The following RASA1 variants were observed in gnomAD, a reference collection of about 807,000 sequenced individuals.
The protein encoded by RASA1 is RAS p21 protein activator 1, also known as ras GTPase-activating protein 1.
In RASA1, 25 loss-of-function variants were observed where a neutral mutation model predicts 132.2. The ratio of observed to expected loss-of-function variants is 0.19; its 90% CI spans 0.14 to 0.26. The LOEUF (loss-of-function observed/expected upper bound fraction) is 0.26. Among genes scored for constraint, RASA1 ranks in the 10% least tolerant of loss-of-function variants. The probability of loss-of-function intolerance (pLI) is 1.00; values close to 1 mark genes in which losing one functional copy is unlikely to be tolerated. For synonymous variants in RASA1, 477 were observed against 449.9 expected (o/e 1.06, Z -0.76); for missense variants, 964 against 1,299.2 (o/e 0.74, Z 3.97).
intron 1 of RASA1, among the ~76,000 whole-genome samples, chr5:87,270,349 T>TC (rs1035826216): frequency 2.0e-5 from 3 of 151,082 alleles, no homozygotes; most frequent in African/African-American, 4.9e-5. Flanking sequence ...TTTTTTTTTT[T>TC]CCTTCCCCCC....
chr5:87,290,443 C>T (rs1754866517), intron 1 of RASA1, among the ~76,000 whole-genome samples: 1 of 152,150 alleles, frequency 6.6e-6, no homozygotes, highest in Non-Finnish European at 1.5e-5. Context: ...TGTTGACATC[C>T]AGCACACTGG....
At chr5:87,349,638 T>C (rs1446073675) in intron 8 of RASA1, among the ~76,000 whole-genome samples, 2 of 151,908 alleles carry the variant, frequency 1.3e-5, no homozygotes, top group Non-Finnish European at 2.9e-5. Flanking sequence ...ACTAAATCCA[T>C]GTGTTATCTG....
At chr5:87,389,089 A>C (rs1158779579) in intron 23 of RASA1, among the ~76,000 whole-genome samples, 1 of 152,192 alleles carries the variant, frequency 6.6e-6, no homozygotes, top group East Asian at 1.9e-4. Context: ...GAATTTTAAG[A>C]GAAATTTGAG....
chr5:87,373,773 A>G (rs1054441178), intron 13 of RASA1, among the ~76,000 whole-genome samples: 5 of 152,186 alleles, frequency 3.3e-5, no homozygotes, highest in African/African-American at 1.2e-4. Flanking sequence ...CCAGATAAGT[A>G]TTATATAACA....
intron 1 of RASA1, chr5:87,331,033 A>G: frequency 7.6e-7 from 1 of 1,312,678 alleles, no homozygotes; most frequent in Non-Finnish European, 1.0e-6. Flanking sequence ...TTCTAAGTAA[A>G]GATCTGGTTG....
intron 7 of RASA1, among the ~76,000 whole-genome samples, chr5:87,348,981 T>G (rs933196934): frequency 6.6e-6 from 1 of 151,916 alleles, no homozygotes; most frequent in African/African-American, 2.4e-5. Context: ...CTGCTCTCTA[T>G]TTTTATGTAT....
At chr5:87,342,424 G>A (rs1037536981) in intron 6 of RASA1, among the ~76,000 whole-genome samples, 2 of 152,138 alleles carry the variant, frequency 1.3e-5, no homozygotes, top group Non-Finnish European at 2.9e-5. Context: ...CTCCCAAAGT[G>A]CTGGAATTAC....
At chr5:87,330,983 G>C in intron 1 of RASA1, 1 of 1,429,900 alleles carries the variant, frequency 7.0e-7, no homozygotes. Context: ...ATAAGATCGA[G>C]GTAGTAAATT....
intron 19 of RASA1, among the ~76,000 whole-genome samples, chr5:87,380,306 T>C (rs1042767861): frequency 3.9e-5 from 6 of 152,178 alleles, no homozygotes; most frequent in Non-Finnish European, 8.8e-5. Flanking sequence ...GGAAGTTGAC[T>C]GAATAAATTG....
intron 1 of RASA1, among the ~76,000 whole-genome samples, chr5:87,293,843 T>A (rs1436226543): frequency 6.6e-6 from 1 of 152,110 alleles, no homozygotes. Context: ...GCTTTGCAAA[T>A]TTGTGGGCGT....
At chr5:87,281,114 T>C (rs1255122106) in intron 1 of RASA1, among the ~76,000 whole-genome samples, 1 of 152,184 alleles carries the variant, frequency 6.6e-6, no homozygotes, top group African/African-American at 2.4e-5. Context: ...ATGGAATTGC[T>C]GAATCATATG....
At chr5:87,299,669 GT>G (rs1378418669) in intron 1 of RASA1, 6 of 152,232 alleles carry the variant, frequency 3.9e-5, no homozygotes, top group Admixed American at 3.3e-4. Flanking sequence ...GTGTGTGTGT[GT>G]GTGGTAAGAG....
chr5:87,307,021 A>G (rs1280324093), intron 1 of RASA1, among the ~76,000 whole-genome samples: 4 of 151,946 alleles, frequency 2.6e-5, no homozygotes, highest in African/African-American at 9.7e-5. Context: ...CACTGTGTGC[A>G]GCGTATTTGT....
chr5:87,356,027 T>C (rs1759623494), intron 9 of RASA1, among the ~76,000 whole-genome samples: 1 of 152,180 alleles, frequency 6.6e-6, no homozygotes, highest in Non-Finnish European at 1.5e-5. Flanking sequence ...AAGAAAGTGG[T>C]CTCTTGAGAT....
chr5:87,376,736 G>T (rs142943604), intron 16 of RASA1, 145 bp from the exon 17 acceptor site: 2 of 1,196,670 alleles, frequency 1.7e-6, no homozygotes, highest in African/African-American at 1.5e-5. Context: ...AGTAGACTAC[G>T]AATTCATTCT....
At chr5:87,306,263 T>A (rs550612634) in intron 1 of RASA1, among the ~76,000 whole-genome samples, 1 of 152,174 alleles carries the variant, frequency 6.6e-6, no homozygotes, top group African/African-American at 2.4e-5. Context: ...GTGGTACATA[T>A]ATACCATGGA....
At chr5:87,329,167 C>T (rs79295794) in intron 1 of RASA1, among the ~76,000 whole-genome samples, 4,862 of 151,720 alleles carry the variant, frequency 0.032, 162 homozygotes, top group African/African-American at 0.074. Flanking sequence ...AAAATCGACT[C>T]GGTGTGGTGG....
intron 1 of RASA1, among the ~76,000 whole-genome samples, chr5:87,270,795 A>C (rs1753797828): frequency 6.6e-6 from 1 of 151,868 alleles, no homozygotes; most frequent in Non-Finnish European, 1.5e-5. Context: ...TAAAGGGGAA[A>C]AGTAAAGTTA....
chr5:87,334,522 A>G (rs1757826738), intron 4 of RASA1, among the ~76,000 whole-genome samples: 1 of 152,246 alleles, frequency 6.6e-6, no homozygotes, highest in Admixed American at 6.5e-5. Flanking sequence ...AAAATTAGCC[A>G]TCACAGTCCA....
Sources: allele counts gnomAD v4.1 joint callset (sites outside exome capture counted in the v4.1 genomes callset), GRCh38; gene constraint gnomAD v4.1.1; transcripts MANE v1.5; gene names NCBI Gene and HGNC (gene_info 2026-07-23, HGNC 2026-07-21).